Variants in RTN3 observed in about 807,000 individuals in gnomAD.
The protein encoded by RTN3 is reticulon 3.
RTN3 carries 49 observed loss-of-function variants against 77.8 expected under a neutral mutation model. The ratio of observed to expected loss-of-function variants is 0.63; its 90% CI spans 0.50 to 0.80. RTN3 has a LOEUF of 0.80. RTN3 is among the 30% of genes least tolerant of loss of function. The pLI is 0.00. For missense variants in RTN3, 1,236 were observed against 1,211.9 expected (o/e 1.02, Z -0.29); for synonymous variants, 464 against 446.9 (o/e 1.04, Z -0.48).
At chr11:63,691,280 C>A (rs1410301376) in intron 1 of RTN3, among the ~76,000 whole-genome samples, 1 of 151,844 alleles carries the variant, frequency 6.6e-6, no homozygotes, top group Admixed American at 6.6e-5. Flanking sequence ...GCCACCATGC[C>A]CAGCTAATTT....
intron 3 of RTN3, chr11:63,746,921 T>C (rs750146930): frequency 2.2e-6 from 1 of 455,652 alleles, no homozygotes; most frequent in South Asian, 1.5e-5. Flanking sequence ...ATGATGTCTT[T>C]ATAGCTGTGT....
chr11:63,686,396 A>C (rs887501191), intron 1 of RTN3, among the ~76,000 whole-genome samples: 1 of 150,508 alleles, frequency 6.6e-6, no homozygotes. Flanking sequence ...GCGTGAACCC[A>C]GGAGGCGGAG....
intron 1 of RTN3, among the ~76,000 whole-genome samples, chr11:63,699,273 C>T (rs1438083913): frequency 6.6e-6 from 1 of 151,908 alleles, no homozygotes; most frequent in Non-Finnish European, 1.5e-5. Flanking sequence ...TGTACTCCAG[C>T]CTGGGCGGGC....
rs2135080654 is a variant in RTN3 at position 63,759,168 on chromosome 11, C to G, written c.*967C>G. ...CTATCTCAGTCTGGGGGGGAACATT[C>G]TCAAGAGGTGAAATACAGAAAGCCT... On this transcript the variant is annotated 3_prime_UTR_variant, in exon 9 of 9. Transcript: ENST00000377819. 1 of 152,292 alleles carries G rather than the reference C, an allele frequency of 6.6e-6. No homozygotes were observed. Among genetic ancestry groups the G allele is most frequent in the South Asian group, 2.1e-4 (1 of 4,824 alleles). The allele number at this position is 152,292 out of a possible 1,614,324, so 9.4% of individuals were successfully genotyped here.
chr11:63,683,794 G>T (rs889496863), intron 1 of RTN3, among the ~76,000 whole-genome samples: 2 of 151,974 alleles, frequency 1.3e-5, no homozygotes, highest in Non-Finnish European at 2.9e-5. Context: ...TATAATAGTG[G>T]AAAAGGTGCT....
intron 1 of RTN3, among the ~76,000 whole-genome samples, chr11:63,699,111 AC>A (rs1942106710): frequency 6.6e-6 from 1 of 152,060 alleles, no homozygotes; most frequent in Non-Finnish European, 1.5e-5. Flanking sequence ...GCATGGTGAA[AC>A]CCCACTAAAA....
In RTN3 at chr11:63,681,560, C is replaced by G. The variant is rs936473106; in HGVS notation, c.-77C>G. The G allele has an allele frequency of 6.3e-6, 9 of 1,426,378 alleles. No homozygotes were observed. Among genetic ancestry groups the G allele is most frequent in the Non-Finnish European group, 7.5e-6 (8 of 1,065,408 alleles). The allele number at this position is 1,426,378 out of a possible 1,614,324, so 88.4% of individuals were successfully genotyped here. On this transcript the variant is annotated 5_prime_UTR_variant, in exon 1 of 9. Coordinates refer to ENST00000377819, the MANE Select transcript of RTN3 (RefSeq NM_001265589.2). ...AAAGGGACTTGAGCGAGCCAGTTGCCGGATTATTCTATTTCCCCTCCCTCT... is the reference window on the plus strand; with the variant it reads ...AAAGGGACTTGAGCGAGCCAGTTGCGGGATTATTCTATTTCCCCTCCCTCT...
chr11:63,757,722 C>CTTTTTTTTT (rs71039672), intron 8 of RTN3, among the ~76,000 whole-genome samples: 1 of 106,352 alleles, frequency 9.4e-6, no homozygotes, highest in African/African-American at 3.2e-5. Context: ...TTCTTTTTTT[C>CTTTTTTTTT]TTTTTTTTTT....
At chr11:63,709,587 A>ATT (rs1565313269) in intron 2 of RTN3, among the ~76,000 whole-genome samples, 5 of 150,432 alleles carry the variant, frequency 3.3e-5, no homozygotes, top group African/African-American at 9.8e-5. Context: ...CTTTTTTTAA[A>ATT]AAAAAAAAAA....
chr11:63,748,368 T>A (rs2508644), intron 3 of RTN3, among the ~76,000 whole-genome samples: 5 of 150,410 alleles, frequency 3.3e-5, no homozygotes, highest in Admixed American at 2.0e-4. Flanking sequence ...TTTTTTTTTT[T>A]AAACAGTCTC....
chr11:63,704,980 A>C, intron 2 of RTN3, 73 bp downstream of exon 2: 1 of 1,098,528 alleles, frequency 9.1e-7, no homozygotes, highest in Non-Finnish European at 1.4e-6. Context: ...TGGGGATACG[A>C]GGCACAAGTC....
At chr11:63,724,225 C>T (rs1388063747) in intron 3 of RTN3, among the ~76,000 whole-genome samples, 71 of 144,976 alleles carry the variant, frequency 4.9e-4, no homozygotes, top group African/African-American at 1.8e-3. Context: ...CTCTGTCGCC[C>T]AGGCTGGAGT....
intron 2 of RTN3, among the ~76,000 whole-genome samples, chr11:63,712,900 A>T (rs989735207): frequency 1.8e-4 from 27 of 152,094 alleles, no homozygotes; most frequent in Non-Finnish European, 3.4e-4. Context: ...GTTCCAGACC[A>T]GCCTAACCAA....
intron 3 of RTN3, among the ~76,000 whole-genome samples, chr11:63,749,021 C>A (rs2013961359): frequency 6.6e-6 from 1 of 151,970 alleles, no homozygotes; most frequent in Non-Finnish European, 1.5e-5. Context: ...GTGGCTCATG[C>A]CTGTAATCAC....
rs1565333370 is a variant in RTN3 at position 63,734,768 on chromosome 11, CACACACACACACA to C, written c.2530+13737_2530+13749del. ...ACACACACACACACACACACACACA[CACACACACACACA>C]CCATACTGGAGGTCCTAGCCACTGA... On this transcript the variant is annotated intron_variant, in intron 3 of 8. Coordinates refer to ENST00000377819, the MANE Select transcript of RTN3 (RefSeq NM_001265589.2). Among the ~76,000 whole-genome samples, 270 of 150,672 alleles carry C rather than the reference CACACACACACACA, an allele frequency of 1.8e-3. 1 individual carries two copies. Among genetic ancestry groups the C allele is most frequent in the East Asian group, 4.2e-3 (21 of 5,052 alleles).
At chr11:63,741,025 G>A (rs933768832) in intron 3 of RTN3, among the ~76,000 whole-genome samples, 34 of 152,154 alleles carry the variant, frequency 2.2e-4, no homozygotes, top group African/African-American at 6.7e-4. Flanking sequence ...CACAGAGCTG[G>A]CAAATGGAAG....
At chr11:63,724,779 C>T (rs1047093632) in intron 3 of RTN3, among the ~76,000 whole-genome samples, 3 of 152,040 alleles carry the variant, frequency 2.0e-5, no homozygotes, top group African/African-American at 4.8e-5. Flanking sequence ...GCGTGAGCCA[C>T]GGAACCCAGC....
At chr11:63,716,175 T>G (rs190157653) in intron 2 of RTN3, among the ~76,000 whole-genome samples, 8 of 152,366 alleles carry the variant, frequency 5.3e-5, no homozygotes, top group African/African-American at 7.2e-5. Flanking sequence ...ACATCAAGTT[T>G]CAGTGATGTG....
chr11:63,748,731 G>A lies in RTN3; in HGVS notation c.2531-1260G>A, dbSNP rs572280938. ...CACCCAGACTGGAATGCAATGGCGC[G>A]ATCTCGGCTCACTGCAGCCTCCGCT... On this transcript the variant is annotated intron_variant, in intron 3 of 8. Transcript: ENST00000377819. Among the ~76,000 whole-genome samples the A allele has an allele frequency of 3.4e-5, 5 of 145,274 alleles. No individual in the cohort carries two copies. In the South Asian group the frequency reaches 6.6e-4, roughly 19 times the overall value.
Sources: gnomAD v4.1 joint callset for allele counts (sites outside exome capture counted in the v4.1 genomes callset) on GRCh38, gnomAD v4.1.1 for gene constraint, MANE v1.5 for transcripts, NCBI Gene and HGNC (gene_info 2026-07-23, HGNC 2026-07-21) for gene names.